Variants in PKD1L1 observed in about 807,000 individuals in gnomAD.
PKD1L1 encodes the protein polycystin-1-like protein 1.
Under a neutral mutation model 323.4 loss-of-function variants are expected in PKD1L1, and 236 were observed. That is an observed-to-expected ratio of 0.73 (90% CI 0.66 to 0.81). The LOEUF (loss-of-function observed/expected upper bound fraction) is 0.81, where lower values mean the gene tolerates loss of function less well. Among genes scored for constraint, PKD1L1 ranks in the 40% least tolerant of loss-of-function variants. PKD1L1 has a pLI of 0.00. For synonymous variants in PKD1L1, 1,344 were observed against 1,335.0 expected (o/e 1.01, Z -0.15); for missense variants, 3,320 against 3,508.0 (o/e 0.95, Z 1.35).
At position 47,829,451 on chromosome 7, in the gene PKD1L1, G is replaced by A. The variant is rs767297274; in HGVS notation, c.6709C>T (p.Pro2237Ser). ...RLPFSSSCSI[P>S]DCAGEVEKVL... ...TTTTCAACCTCGCCTGCACAGTCAG[G>A]AATACTGCAGCTTGAAGAGAAGGGG... Residue 2237 changes from proline (P) to serine (S), a missense_variant, in exon 44 of 57, where the codon CCT (proline) becomes TCT (serine). Physicochemically the swap from Pro to Ser is moderately conservative, Grantham distance 74 (BLOSUM62 -1). Transcript: ENST00000289672. The A allele has an allele frequency of 1.2e-6, 2 of 1,613,642 alleles. No homozygotes were observed. The highest frequency in any genetic ancestry group is 1.7e-6 in the Non-Finnish European group (2 of 1,179,906).
rs1785473939 is a variant in PKD1L1, at chr7:47,837,050, G to C, written c.5814C>G (p.Val1938=). The C allele has an allele frequency of 4.3e-6, 7 of 1,614,184 alleles. No homozygotes were observed. In the South Asian group the frequency reaches 5.5e-5, roughly 13 times the overall value. ...KFTEYLEDFH[V]WLSVYSRPSS... ...AGGGCCTGCTGTACACCGACAGCCA[G>C]ACATGGAAATCCTCCAGGTACTCTG... The change falls in exon 37 of 57, where the codon GTC becomes GTG. Residue 1938 remains valine (V), a synonymous_variant. Coordinates refer to ENST00000289672, the MANE Select transcript of PKD1L1 (RefSeq NM_138295.5).
At chr7:47,781,820 T>C (rs944966728) in intron 56 of PKD1L1, among the ~76,000 whole-genome samples, 1 of 152,186 alleles carries the variant, frequency 6.6e-6, no homozygotes, top group Admixed American at 6.5e-5. Flanking sequence ...ATGATCCATT[T>C]TGAATTATTT....
chr7:47,789,958 G>A (rs759966268), intron 56 of PKD1L1, among the ~76,000 whole-genome samples: 1 of 151,402 alleles, frequency 6.6e-6, no homozygotes, highest in African/African-American at 2.4e-5. Context: ...GTGTGATCTC[G>A]GCTCACCGCA....
At position 47,840,708 on chromosome 7, in the gene PKD1L1, A is replaced by G; in HGVS notation, c.5446-141T>C. On this transcript the variant is annotated intron_variant, in intron 34 of 56. Transcript: ENST00000289672. The surrounding 1 kb of genome is among the most constrained non-coding windows in gnomAD (Gnocchi z 4.1). ...TGCACGGTGGAGTGCCACAGCCTAG[A>G]GCCAGGGGATGAGTGGGCACGTCCA... is the stretch of plus-strand genomic sequence containing the variant. The G allele has an allele frequency of 1.6e-6, 1 of 634,062 alleles. No individual in the cohort carries two copies. The highest frequency in any genetic ancestry group is 2.7e-6 in the Non-Finnish European group (1 of 364,102). 39.3% of individuals were successfully genotyped at this position (634,062 alleles called of 1,614,324 possible).
rs139547392 is a variant in PKD1L1 at position 47,837,018 on chromosome 7, C to G, written c.5846G>C (p.Ser1949Thr). ...GAGGCGCGGCGTGTGCAGGTAGCGG[C>G]TGGAGGAGGGCCTGCTGTACACCGA... ...WLSVYSRPSSSRYLHTPRLTV... is the reference protein window; with the variant it reads ...WLSVYSRPSSTRYLHTPRLTV... Residue 1949 changes from serine to threonine, a missense_variant, in exon 37 of 57, where the codon AGC becomes ACC. Transcript: ENST00000289672. The G allele has an allele frequency of 4.2e-5, 68 of 1,613,978 alleles. No individual in the cohort carries two copies. The African/African-American group carries it at 8.0e-4, about 19-fold the overall frequency.
At chr7:47,848,718 T>G (rs1785716828) in intron 31 of PKD1L1, among the ~76,000 whole-genome samples, 1 of 152,058 alleles carries the variant, frequency 6.6e-6, no homozygotes, top group African/African-American at 2.4e-5. Flanking sequence ...GGCAGGAGAA[T>G]CACTTGAACC....
intron 56 of PKD1L1, among the ~76,000 whole-genome samples, chr7:47,783,163 T>C (rs1786733446): frequency 6.6e-6 from 1 of 152,164 alleles, no homozygotes; most frequent in South Asian, 2.1e-4. Context: ...TCAATGGCAT[T>C]TCTATTTAAA....
At chr7:47,885,080 C>T (rs765443377) in intron 18 of PKD1L1, among the ~76,000 whole-genome samples, 10 of 152,206 alleles carry the variant, frequency 6.6e-5, no homozygotes, top group Admixed American at 1.3e-4. Context: ...CAAATGTCGC[C>T]TCCTGTCCCC....
chr7:47,904,025 C>T (rs973321084), intron 12 of PKD1L1, among the ~76,000 whole-genome samples: 1 of 152,160 alleles, frequency 6.6e-6, no homozygotes, highest in Non-Finnish European at 1.5e-5. Context: ...CCTGTTGGCA[C>T]CTCACTTAGC....
At chr7:47,874,857 G>T (rs558794123) in intron 23 of PKD1L1, among the ~76,000 whole-genome samples, 2 of 152,068 alleles carry the variant, frequency 1.3e-5, no homozygotes, top group Non-Finnish European at 1.5e-5. Context: ...GCTTATGTTC[G>T]CCCCCTTACA....
Position 47,929,492 on chromosome 7 carries a change from G to C in PKD1L1, c.772C>G (p.Pro258Ala). ...HGLPPGIPRT[P>A]SFTASQSGSE... ...CCAGACTGCGATGCCGTGAAGCTGG[G>C]GGTGCGAGGAATGCCAGGCGGAAGG... The change falls in exon 7 of 57, where the codon CCC (proline) becomes GCC (alanine). Residue 258 changes from proline to alanine, a missense_variant. Physicochemically the swap from Pro to Ala is conservative, Grantham distance 27. Transcript: ENST00000289672. The C allele has an allele frequency of 6.2e-7, 1 of 1,614,050 alleles. No homozygotes were observed.
Position 47,801,033 on chromosome 7 carries a change from C to A in PKD1L1, c.7963-154G>T, listed in dbSNP as rs1041116997. Among the ~76,000 whole-genome samples, 9 of 152,188 alleles carry A rather than the reference C, an allele frequency of 5.9e-5. No individual in the cohort carries two copies. In the East Asian group the frequency reaches 1.5e-3, roughly 26 times the overall value. On this transcript the variant is annotated intron_variant, in intron 53 of 56. Transcript: ENST00000289672. ...CATCCCTGGTTTTGAACCCAAAAGG[C>A]GTATGTCACCCTCTCACCCATCTCC...
intron 56 of PKD1L1, among the ~76,000 whole-genome samples, chr7:47,789,437 T>C (rs1417684045): frequency 1.3e-5 from 2 of 152,262 alleles, no homozygotes; most frequent in Non-Finnish European, 2.9e-5. Flanking sequence ...CATTAGCCAA[T>C]AATTTGTCAA....
At chr7:47,952,658 C>G (rs958336854), upstream of PKD1L1, among the ~76,000 whole-genome samples, 1 of 152,206 alleles carries the variant, frequency 6.6e-6, no homozygotes, top group Non-Finnish European at 1.5e-5. Flanking sequence ...TGTCAATCAT[C>G]TGTGAGGCTC....
chr7:47,916,485 C>T (rs1787430978), intron 7 of PKD1L1, among the ~76,000 whole-genome samples: 1 of 152,120 alleles, frequency 6.6e-6, no homozygotes. Context: ...TGGAGGCTCG[C>T]ATAGTCAATT....
chr7:47,868,790 G>A (rs561144233), intron 24 of PKD1L1, among the ~76,000 whole-genome samples: 1 of 152,156 alleles, frequency 6.6e-6, no homozygotes, highest in African/African-American at 2.4e-5. Context: ...CAGTAGAATC[G>A]CTTGAACCCA....
chr7:47,920,572 C>T (rs928370717), intron 7 of PKD1L1, among the ~76,000 whole-genome samples: 1 of 152,106 alleles, frequency 6.6e-6, no homozygotes, highest in Non-Finnish European at 1.5e-5. Context: ...AAAAAAGAGG[C>T]TGTACATCCA....
In PKD1L1 at chr7:47,890,564, G is replaced by C. The variant is rs375562194; in HGVS notation, c.2653C>G (p.Pro885Ala). ...TACCTGAACGCCGAGTCAGGGTAGG[G>C]GGACAGGAACACCCGGGTCTCAGAA... The part of the protein sequence containing the change: ...NSSETRVFLS[P>A]YPDSAFRFVH... Residue 885 changes from proline (P) to alanine (A), a missense_variant, in exon 16 of 57, where the codon CCC (proline) becomes GCC (alanine). By Grantham distance (27) the Pro-to-Ala change is conservative. Coordinates refer to ENST00000289672, the MANE Select transcript of PKD1L1 (RefSeq NM_138295.5). 9.3e-6 allele frequency: 15 copies of C among 1,613,994 alleles called. No homozygotes were observed. The highest frequency in any genetic ancestry group is 1.6e-4 in the Middle Eastern group (1 of 6,072).
intron 1 of PKD1L1, 54 bp from the exon 2 acceptor site, chr7:47,943,565 CACAG>C (rs1189545022): frequency 2.1e-5 from 29 of 1,384,632 alleles, no homozygotes; most frequent in Non-Finnish European, 3.0e-5. Flanking sequence ...ATCGTTTAAT[CACAG>C]ACATCCTGTG....
Sources: allele counts gnomAD v4.1 joint callset (sites outside exome capture counted in the v4.1 genomes callset), GRCh38; gene constraint gnomAD v4.1.1; non-coding constraint Gnocchi (gnomAD v3.1); transcripts MANE v1.5; gene names NCBI Gene and HGNC (gene_info 2026-07-23, HGNC 2026-07-21).